SLC39A6: variants seen among roughly 807,000 people sequenced by gnomAD.
The protein encoded by SLC39A6 is zinc transporter ZIP6.
SLC39A6 carries 51 observed loss-of-function variants against 63.5 expected under a neutral mutation model. The observed-to-expected ratio is 0.80, with a 90% CI of 0.64 to 1.01. The LOEUF (loss-of-function observed/expected upper bound fraction) is 1.01. Ranked by LOEUF, SLC39A6 falls within the 50% of genes least tolerant of loss-of-function variation. SLC39A6 has a pLI of 0.00. For synonymous variants in SLC39A6, 318 were observed against 324.7 expected (o/e 0.98, Z 0.22); for missense variants, 805 against 927.8 (o/e 0.87, Z 1.72).
Position 36,109,692 on chromosome 18 carries a change from C to T in SLC39A6, c.2169G>A (p.Gly723=). 6.2e-7 allele frequency: 1 copy of T among 1,612,118 alleles called. No homozygotes were observed. The change falls in exon 10 of 10, where the codon GGG becomes GGA. Residue 723 remains glycine (G), a synonymous_variant. Transcript: ENST00000269187. ...DASDHGCSRW[G]YFFLQNAGML... ...TCCCAGCATTCTGTAAAAAGAAATA[C>T]CCCCAGCGGCTACATCCATGGTCAC...
chr18:36,126,109 A>G, intron 2 of SLC39A6, 110 bp downstream of exon 2: 3 of 1,114,296 alleles, frequency 2.7e-6, no homozygotes, highest in Non-Finnish European at 2.6e-6. Flanking sequence ...TCCCTTTTCA[A>G]TAACTTCAAC....
chr18:36,112,751 G>T (rs1275914149), intron 7 of SLC39A6, among the ~76,000 whole-genome samples, 170 bp from the exon 8 acceptor site: 1 of 152,184 alleles, frequency 6.6e-6, no homozygotes, highest in East Asian at 1.9e-4. Flanking sequence ...TACATTCCAT[G>T]AGGTCTAAAT....
At position 36,126,943 on chromosome 18, in the gene SLC39A6, T is replaced by C. The variant is rs781521313; in HGVS notation, c.65A>G (p.His22Arg). The change falls in exon 2 of 10, where the codon CAT becomes CGT. Residue 22 changes from histidine (H) to arginine (R), a missense_variant. By Grantham distance (29) the His-to-Arg change is conservative. Transcript: ENST00000269187. ...GGGGAAAGCAGCTGCTTTTAGTTCATGAAGGGGATTTGTGACAGAGAGGGC... is the reference window on the plus strand; with the variant it reads ...GGGGAAAGCAGCTGCTTTTAGTTCACGAAGGGGATTTGTGACAGAGAGGGC... The part of the protein sequence containing the change: ...TFALSVTNPL[H>R]ELKAAAFPQT... 7.4e-6 allele frequency: 12 copies of C among 1,614,162 alleles called. No individual in the cohort carries two copies. The highest frequency in any genetic ancestry group is 6.6e-5 in the South Asian group (6 of 91,086).
At position 36,127,004 on chromosome 18, in the gene SLC39A6, C is replaced by T. The variant is rs781710026; in HGVS notation, c.4G>A (p.Ala2Thr). ...ATCAAGATTACAGATAACTTCCTCGCCATTGCGCCTTCCTAGAAAAGACAG... is the reference window on the plus strand; with the variant it reads ...ATCAAGATTACAGATAACTTCCTCGTCATTGCGCCTTCCTAGAAAAGACAG... Reference protein sequence around the residue: MARKLSVILILT... With the variant: MTRKLSVILILT... Residue 2 changes from alanine (A) to threonine (T), a missense_variant, in exon 2 of 10, where the codon GCG becomes ACG. By Grantham distance (58) the Ala-to-Thr change is moderately conservative (BLOSUM62 0). This residue lies in a region of SLC39A6 where 639 missense variants were observed against 644.0 expected (regional missense o/e 0.99). Coordinates refer to ENST00000269187, the MANE Select transcript of SLC39A6 (RefSeq NM_012319.4). The T allele has an allele frequency of 1.9e-6, 3 of 1,592,188 alleles. No homozygotes were observed. Among genetic ancestry groups the T allele is most frequent in the South Asian group, 1.1e-5 (1 of 88,216 alleles).
chr18:36,111,117 G>C lies in SLC39A6; in HGVS notation c.2057C>G (p.Ser686Cys), dbSNP rs1157511268. The change falls in exon 9 of 10, where the codon TCT (serine) becomes TGT (cysteine). Residue 686 changes from serine to cysteine, a missense_variant. Physicochemically the swap from Ser to Cys is moderately radical, Grantham distance 112. Transcript: ENST00000269187. The stretch of plus-strand genomic sequence containing the variant: ...AGCAGTAAGTGCAAATATCCACATA[G>C]AAACATTTTCAGCATAATGACCAAT... ...IFIGHYAENV[S>C]MWIFALTAGL... 6.2e-7 allele frequency: 1 copy of C among 1,614,154 alleles called. No individual in the cohort carries two copies. Among genetic ancestry groups the C allele is most frequent in the Non-Finnish European group, 8.5e-7 (1 of 1,180,014 alleles).
intron 6 of SLC39A6, among the ~76,000 whole-genome samples, chr18:36,116,283 C>T (rs1284395773): frequency 2.0e-5 from 3 of 152,060 alleles, no homozygotes; most frequent in East Asian, 1.9e-4. Flanking sequence ...ATGTCTATAA[C>T]TTACTCTCAA....
intron 5 of SLC39A6, among the ~76,000 whole-genome samples, chr18:36,119,818 C>T (rs1160412748): frequency 3.3e-5 from 5 of 151,138 alleles, no homozygotes; most frequent in Non-Finnish European, 7.4e-5. Flanking sequence ...GAATTTGAAG[C>T]GCAATGAGCT....
intron 1 of SLC39A6, among the ~76,000 whole-genome samples, chr18:36,127,866 A>C (rs1482880133): frequency 6.7e-6 from 1 of 149,548 alleles, no homozygotes; most frequent in African/African-American, 2.5e-5. Context: ...CTCCACCTCC[A>C]ATTCCCAAAG....
chr18:36,120,436 T>G (rs1288350463), intron 5 of SLC39A6, among the ~76,000 whole-genome samples: 2 of 152,216 alleles, frequency 1.3e-5, no homozygotes, highest in East Asian at 3.8e-4. Flanking sequence ...CTCAAAATTT[T>G]TAATTTGAGA....
Position 36,109,501 on chromosome 18 carries a change from A to G in SLC39A6, c.*92T>C, listed in dbSNP as rs1342192917. 3 of 948,306 alleles carry G rather than the reference A, an allele frequency of 3.2e-6. No homozygotes were observed. The highest frequency in any genetic ancestry group is 4.6e-6 in the Non-Finnish European group (3 of 646,502). The allele number at this position is 948,306 out of a possible 1,614,324, so 58.7% of individuals were successfully genotyped here. The stretch of plus-strand genomic sequence containing the variant: ...AAAAATCACAAAACCCACTAACTTT[A>G]AACGCTGCATAGTACAGCATACAAA... On this transcript the variant is annotated 3_prime_UTR_variant, in exon 10 of 10. Transcript: ENST00000269187.
intron 2 of SLC39A6, 150 bp from the exon 3 acceptor site, chr18:36,124,850 C>G (rs61445518): frequency 0.018 from 9,845 of 561,702 alleles, 736 homozygotes; most frequent in African/African-American, 0.16. Context: ...TGGAACTTGC[C>G]TCCAGCTACC....
chr18:36,127,131 G>GCCAGAGCATAA (rs1217551388), intron 1 of SLC39A6, 115 bp from the exon 2 acceptor site: 2 of 912,046 alleles, frequency 2.2e-6, no homozygotes, highest in Non-Finnish European at 3.3e-6. Flanking sequence ...AGAGCATCAT[G>GCCAGAGCATAA]TGGTGTGACC....
intron 5 of SLC39A6, among the ~76,000 whole-genome samples, chr18:36,118,329 G>C (rs545745142): frequency 5.9e-5 from 9 of 152,170 alleles, no homozygotes; most frequent in African/African-American, 2.2e-4. Flanking sequence ...ACAGGGAGAG[G>C]GTTTTACACA....
intron 1 of SLC39A6, 68 bp downstream of exon 1, chr18:36,129,046 C>G (rs1405541868): frequency 1.3e-5 from 2 of 152,270 alleles, no homozygotes; most frequent in Non-Finnish European, 2.9e-5. Context: ...CACCCCTACC[C>G]CGCCACGCCT....
At chr18:36,117,389 T>C (rs912479139) in intron 5 of SLC39A6, among the ~76,000 whole-genome samples, 1 of 152,206 alleles carries the variant, frequency 6.6e-6, no homozygotes, top group Admixed American at 6.5e-5. Flanking sequence ...TTTTTAGTTA[T>C]TAAAACACTT....
intron 5 of SLC39A6, among the ~76,000 whole-genome samples, chr18:36,117,986 G>A (rs539793562): frequency 1.7e-4 from 25 of 150,232 alleles, no homozygotes; most frequent in South Asian, 1.1e-3. Context: ...AGCAGAGATC[G>A]CGCCACTGCA....
chr18:36,128,788 G>C (rs2089479958), intron 1 of SLC39A6, among the ~76,000 whole-genome samples: 1 of 152,124 alleles, frequency 6.6e-6, no homozygotes, highest in African/African-American at 2.4e-5. Flanking sequence ...TACAGAAAAC[G>C]GAAAAGAGGG....
intron 5 of SLC39A6, 96 bp downstream of exon 5, chr18:36,121,956 C>T (rs994233866): frequency 2.3e-6 from 2 of 869,430 alleles, no homozygotes; most frequent in African/African-American, 1.7e-5. Flanking sequence ...AAATAAAGCT[C>T]ATACAACCTG....
intron 8 of SLC39A6, among the ~76,000 whole-genome samples, chr18:36,112,208 T>A (rs889760101): frequency 5.9e-5 from 9 of 152,350 alleles, no homozygotes; most frequent in Admixed American, 4.6e-4. Flanking sequence ...AAGGTTTTAA[T>A]GCCTAGTGAC....
Sources: gnomAD v4.1 joint callset for allele counts (sites outside exome capture counted in the v4.1 genomes callset) on GRCh38, gnomAD v4.1.1 for gene constraint, gnomAD v4.1.1 regional missense constraint, MANE v1.5 for transcripts, NCBI Gene and HGNC (gene_info 2026-07-23, HGNC 2026-07-21) for gene names.